The following AMN1 variants were observed in gnomAD, a reference collection of about 807,000 sequenced individuals.
The protein encoded by AMN1 is antagonist of mitotic exit network 1 homolog, also known as protein AMN1 homolog.
Under a neutral mutation model 33.0 loss-of-function variants are expected in AMN1, and 20 were observed. The observed-to-expected ratio is 0.61, with a 90% confidence interval of 0.43 to 0.88. The LOEUF (loss-of-function observed/expected upper bound fraction) is 0.88, where lower values mean the gene tolerates loss of function less well. AMN1 is among the 40% of genes least tolerant of loss of function. AMN1 has a pLI of 0.00. For synonymous variants in AMN1, 114 were observed against 111.9 expected (o/e 1.02, Z -0.12); for missense variants, 246 against 307.4 (o/e 0.80, Z 1.49).
At chr12:31,696,702 G>A (rs983114996) in intron 5 of AMN1, among the ~76,000 whole-genome samples, 19 of 151,978 alleles carry the variant, frequency 1.3e-4, no homozygotes, top group African/African-American at 3.6e-4. Flanking sequence ...CGAGGCGGTC[G>A]GATCACCTGA....
chr12:31,678,394 C>CT (rs71062449), intron 6 of AMN1, among the ~76,000 whole-genome samples: 116 of 146,426 alleles, frequency 7.9e-4, no homozygotes, highest in African/African-American at 1.9e-3. Flanking sequence ...GAAATACAAA[C>CT]TTTTTTTTTT....
At chr12:31,684,631 C>T (rs1482831232) in intron 6 of AMN1, among the ~76,000 whole-genome samples, 3 of 152,124 alleles carry the variant, frequency 2.0e-5, no homozygotes, top group South Asian at 2.1e-4. Flanking sequence ...CCACCATGCC[C>T]GGCTAATTTT....
At chr12:31,692,179 A>G (rs932649264) in intron 5 of AMN1, among the ~76,000 whole-genome samples, 3 of 151,726 alleles carry the variant, frequency 2.0e-5, no homozygotes, top group Admixed American at 1.3e-4. Flanking sequence ...ACCCAGCTGT[A>G]ACATTATTTT....
At chr12:31,681,991 A>G (rs1397809622) in intron 6 of AMN1, among the ~76,000 whole-genome samples, 3 of 152,198 alleles carry the variant, frequency 2.0e-5, no homozygotes, top group Non-Finnish European at 4.4e-5. Flanking sequence ...ATAACATTTC[A>G]ATATCTCACT....
chr12:31,677,551 T>C (rs1297087273), intron 6 of AMN1, among the ~76,000 whole-genome samples: 1 of 152,220 alleles, frequency 6.6e-6, no homozygotes, highest in Non-Finnish European at 1.5e-5. Flanking sequence ...ATCAATTGTA[T>C]CTCTGTTCCC....
At position 31,706,480 on chromosome 12, in the gene AMN1, C is replaced by T. The variant is rs531214574; in HGVS notation, c.171+2813G>A. Among the ~76,000 whole-genome samples the T allele has an allele frequency of 2.0e-5, 3 of 152,092 alleles. No individual in the cohort carries two copies. The South Asian group carries it at 6.2e-4, about 32-fold the overall frequency. On this transcript the variant is annotated intron_variant, in intron 2 of 6. Coordinates refer to ENST00000281471, the MANE Select transcript of AMN1 (RefSeq NM_001113402.2). The stretch of plus-strand genomic sequence containing the variant: ...GGTGATGGCTGCAGAGTGGTGGTGG[C>T]TGCAAACCCAAAGACAATATTTAAA...
At chr12:31,676,573 T>G (rs536767080) in intron 6 of AMN1, among the ~76,000 whole-genome samples, 1 of 148,620 alleles carries the variant, frequency 6.7e-6, no homozygotes. Flanking sequence ...CTGCCCGCCT[T>G]GGCCTCCCAA....
Position 31,704,066 on chromosome 12 carries a change from T to C in AMN1, c.172-2059A>G, listed in dbSNP as rs1453305172. Among the ~76,000 whole-genome samples, 4 of 152,236 alleles carry C rather than the reference T, an allele frequency of 2.6e-5. No individual in the cohort carries two copies. In the East Asian group the frequency reaches 7.7e-4, roughly 29 times the overall value. On this transcript the variant is annotated intron_variant, in intron 2 of 6. Coordinates refer to ENST00000281471, the MANE Select transcript of AMN1 (RefSeq NM_001113402.2). ...ATGAATATATGTGTGTACTTTTCTA[T>C]TATCTTCCTGAGATTTCTACAGGAA...
At chr12:31,691,412 A>C (rs909317027) in intron 5 of AMN1, among the ~76,000 whole-genome samples, 3 of 152,132 alleles carry the variant, frequency 2.0e-5, no homozygotes, top group Non-Finnish European at 4.4e-5. Flanking sequence ...CAAAAAAACA[A>C]AATAAAACCA....
chr12:31,714,155 A>C (rs11051545), intron 1 of AMN1, among the ~76,000 whole-genome samples: 35,747 of 151,936 alleles, frequency 0.24, 5,251 homozygotes, highest in Non-Finnish European at 0.33. Flanking sequence ...AAAAAAGCCC[A>C]AAAAATTTTC....
At chr12:31,702,308 G>A (rs987674672) in intron 2 of AMN1, among the ~76,000 whole-genome samples, 1 of 152,210 alleles carries the variant, frequency 6.6e-6, no homozygotes, top group African/African-American at 2.4e-5. Flanking sequence ...GTGGCAGTGA[G>A]TAATAATCTT....
intron 6 of AMN1, among the ~76,000 whole-genome samples, chr12:31,677,519 A>C (rs1351412019): frequency 6.6e-6 from 1 of 152,228 alleles, no homozygotes; most frequent in African/African-American, 2.4e-5. Context: ...ACTATTTCTA[A>C]GATGTGGGGC....
chr12:31,724,582 C>A (rs541738228), intron 1 of AMN1, among the ~76,000 whole-genome samples: 44 of 151,966 alleles, frequency 2.9e-4, no homozygotes, highest in Admixed American at 2.6e-3. Context: ...CTGAAACTGC[C>A]GAAACAAAAC....
At chr12:31,693,291 G>A (rs889655174) in intron 5 of AMN1, among the ~76,000 whole-genome samples, 5 of 151,962 alleles carry the variant, frequency 3.3e-5, no homozygotes, top group African/African-American at 9.7e-5. Context: ...AGGCTGGAGT[G>A]CAATTGCGTG....
chr12:31,695,501 TGAGA>T (rs1938686743), intron 5 of AMN1, among the ~76,000 whole-genome samples: 1 of 150,882 alleles, frequency 6.6e-6, no homozygotes, highest in Non-Finnish European at 1.5e-5. Context: ...TTTTTTTTTT[TGAGA>T]TGGAGTTTCG....
intron 3 of AMN1, among the ~76,000 whole-genome samples, chr12:31,701,126 A>G (rs968546456): frequency 2.0e-5 from 3 of 151,852 alleles, no homozygotes; most frequent in Non-Finnish European, 4.4e-5. Context: ...CAGCCTCCCA[A>G]GTAGCTGGGA....
chr12:31,698,246 C>T (rs1938825456), intron 3 of AMN1, among the ~76,000 whole-genome samples: 1 of 152,136 alleles, frequency 6.6e-6, no homozygotes, highest in South Asian at 2.1e-4. Context: ...ATTCAGAACC[C>T]AATTAGATAG....
intron 5 of AMN1, among the ~76,000 whole-genome samples, chr12:31,689,560 T>C (rs2139673499): frequency 6.6e-6 from 1 of 152,304 alleles, no homozygotes; most frequent in East Asian, 1.9e-4. Flanking sequence ...AACATGTTAG[T>C]TCAGACCCTT....
intron 3 of AMN1, among the ~76,000 whole-genome samples, chr12:31,699,395 CAAAA>C (rs34860207): frequency 5.4e-5 from 2 of 36,874 alleles, no homozygotes; most frequent in African/African-American, 1.2e-4. Context: ...GACTCTGTCT[CAAAA>C]AAAAAAAAAA....
Sources: gnomAD v4.1 joint callset for allele counts (sites outside exome capture counted in the v4.1 genomes callset) on GRCh38, gnomAD v4.1.1 for gene constraint, MANE v1.5 for transcripts, NCBI Gene and HGNC (gene_info 2026-07-23, HGNC 2026-07-21) for gene names.